Variants in AKAP13 observed in about 807,000 individuals in gnomAD.
AKAP13 encodes A-kinase anchor protein 13.
Under a neutral mutation model 264.5 loss-of-function variants are expected in AKAP13, and 80 were observed. The observed-to-expected ratio is 0.30, with a 90% confidence interval of 0.25 to 0.36. The LOEUF (loss-of-function observed/expected upper bound fraction) is 0.36. Among genes scored for constraint, AKAP13 ranks in the 10% least tolerant of loss-of-function variants. The pLI, the probability that AKAP13 is intolerant of heterozygous loss-of-function variation, is 1.00. For synonymous variants in AKAP13, 1,380 were observed against 1,250.2 expected, an observed-to-expected ratio of 1.10 and a Z score of -2.19; for missense variants, 3,712 against 3,435.2, an observed-to-expected ratio of 1.08 and a Z score of -2.01.
Position 85,727,438 on chromosome 15 carries a change from G to T in AKAP13, c.7062G>T (p.Leu2354Phe), listed in dbSNP as rs1042317101. Residue 2354 changes from leucine (L) to phenylalanine (F), a missense_variant, in exon 29 of 37, where the codon TTG (leucine) becomes TTT (phenylalanine). Around this residue, in one of 3 missense-constraint regions of AKAP13, gnomAD observed 342 missense variants for 484.3 expected, o/e 0.71. Coordinates refer to ENST00000394518, the MANE Select transcript of AKAP13 (RefSeq NM_007200.5). The surrounding 1 kb of genome is among the most constrained non-coding windows in gnomAD (Gnocchi z 5.3). ...AGAATGAGGAAGAAAAGAAAATGTT[G>T]GACACCAGAGCCCGAGAATTAAAAG... is the stretch of plus-strand genomic sequence containing the variant. ...PSENEEEKKM[L>F]DTRARELKEQ... is the part of the protein sequence containing the mutation. The T allele has an allele frequency of 5.0e-6, 8 of 1,614,164 alleles. No homozygotes were observed. In the South Asian group the frequency reaches 8.8e-5, roughly 18 times the overall value.
chr15:85,430,554 C>G (rs1028979885), intron 1 of AKAP13, among the ~76,000 whole-genome samples: 12 of 152,206 alleles, frequency 7.9e-5, no homozygotes, highest in Non-Finnish European at 1.8e-4. Flanking sequence ...TTGTACTTCA[C>G]TGAACCACCT....
intron 23 of AKAP13, 148 bp downstream of exon 23, chr15:85,719,474 T>A: frequency 1.7e-6 from 2 of 1,163,838 alleles, no homozygotes; most frequent in Non-Finnish European, 2.4e-6. Flanking sequence ...GAGCCTTGAT[T>A]TCCTTTTCTG....
chr15:85,418,958 G>A (rs955363322), intron 1 of AKAP13, among the ~76,000 whole-genome samples: 1 of 152,118 alleles, frequency 6.6e-6, no homozygotes, highest in African/African-American at 2.4e-5. Context: ...CTGTGTGCTG[G>A]GCATTGTTTA....
At chr15:85,728,888 G>A (rs1340132577) in intron 29 of AKAP13, among the ~76,000 whole-genome samples, 1 of 151,962 alleles carries the variant, frequency 6.6e-6, no homozygotes, top group Non-Finnish European at 1.5e-5. Flanking sequence ...ATAGTTAGGA[G>A]AGTTGCTTGA....
intron 1 of AKAP13, among the ~76,000 whole-genome samples, chr15:85,432,792 A>G (rs1413454723): frequency 1.3e-5 from 2 of 152,086 alleles, no homozygotes; most frequent in Non-Finnish European, 2.9e-5. Context: ...ACACTGGGGG[A>G]GGCTCTTAGC....
chr15:85,701,030 CAAAAT>C (rs1020675010), intron 17 of AKAP13: 5 of 152,170 alleles, frequency 3.3e-5, no homozygotes, highest in African/African-American at 7.2e-5. Context: ...AATTGCAACT[CAAAAT>C]AAATCTGTAC....
At chr15:85,737,058 A>T (rs891883046) in intron 33 of AKAP13, among the ~76,000 whole-genome samples, 1 of 151,698 alleles carries the variant, frequency 6.6e-6, no homozygotes, top group African/African-American at 2.4e-5. Flanking sequence ...AGCTGGAATT[A>T]TAGGCATACG....
chr15:85,590,103 C>T (rs1359713541), intron 8 of AKAP13, among the ~76,000 whole-genome samples: 2 of 152,084 alleles, frequency 1.3e-5, no homozygotes, highest in South Asian at 2.1e-4. Flanking sequence ...CCACATACCC[C>T]GTCTATGTGT....
chr15:85,411,738 A>G (rs779464825), intron 1 of AKAP13, among the ~76,000 whole-genome samples: 6 of 152,314 alleles, frequency 3.9e-5, no homozygotes, highest in Non-Finnish European at 7.4e-5. Context: ...CGCCCGGCCA[A>G]CTAACTGCTT....
intron 1 of AKAP13, among the ~76,000 whole-genome samples, chr15:85,424,084 G>C (rs1034257872): frequency 1.3e-5 from 2 of 152,190 alleles, no homozygotes; most frequent in Non-Finnish European, 2.9e-5. Flanking sequence ...ATGGGCTCTA[G>C]AATTTTTAGA....
rs1597183930 is a variant in AKAP13 at position 85,724,790 on chromosome 15, T to C, written c.6745+1470T>C. 6.6e-6 allele frequency among the ~76,000 whole-genome samples: 1 copy of C among 152,000 alleles called. No individual in the cohort carries two copies. Among genetic ancestry groups the C allele is most frequent in the African/African-American group, 2.4e-5 (1 of 41,450 alleles). On this transcript the variant is annotated intron_variant, in intron 26 of 36. Transcript: ENST00000394518. This position sits in a 1 kb window ranked among gnomAD's most constrained non-coding sequence, Gnocchi z 4.2. ...ACAGATAAGAGACTGTGCAGTGCTT[T>C]GGGGAAGAGCTCATCTGGGCCTGCA...
At chr15:85,467,094 A>T (rs2074770024) in intron 1 of AKAP13, among the ~76,000 whole-genome samples, 1 of 151,798 alleles carries the variant, frequency 6.6e-6, no homozygotes, top group African/African-American at 2.4e-5. Context: ...ACACACACAC[A>T]CACACACGTA....
chr15:85,730,953 A>C (rs1009562399), intron 30 of AKAP13, among the ~76,000 whole-genome samples: 1 of 150,680 alleles, frequency 6.6e-6, no homozygotes, highest in Non-Finnish European at 1.5e-5. Context: ...CCCTCCCTCC[A>C]AAAGGAGCAG....
At chr15:85,567,938 A>C (rs1265537991) in intron 5 of AKAP13, among the ~76,000 whole-genome samples, 2 of 111,528 alleles carry the variant, frequency 1.8e-5, no homozygotes, top group African/African-American at 7.2e-5. Context: ...AATAGCCCAA[A>C]GAGGTGTGTG....
intron 5 of AKAP13, among the ~76,000 whole-genome samples, chr15:85,572,701 G>C (rs1445744934): frequency 2.0e-5 from 3 of 151,936 alleles, no homozygotes; most frequent in Non-Finnish European, 4.4e-5. Context: ...GTAAGTTCTG[G>C]GATGCATGTG....
intron 20 of AKAP13, among the ~76,000 whole-genome samples, chr15:85,716,199 G>C (rs1011184041): frequency 6.6e-6 from 1 of 152,058 alleles, no homozygotes; most frequent in Non-Finnish European, 1.5e-5. Context: ...GTTCTAAAAA[G>C]ATGATTTTTT....
rs1001213823 is a variant in AKAP13, at chr15:85,746,144, C to T, written c.*1467C>T. 1 of 152,520 alleles carries T rather than the reference C, an allele frequency of 6.6e-6. No homozygotes were observed. The highest frequency in any genetic ancestry group is 2.4e-5 in the African/African-American group (1 of 41,422). 9.4% of individuals were successfully genotyped at this position (152,520 alleles called of 1,614,324 possible). ...TTTTTTGCCCCTCGGAAGCATGGGG[C>T]TTTTGAGCACACTTAAAAAAAGAAA... On this transcript the variant is annotated 3_prime_UTR_variant, in exon 37 of 37. Transcript: ENST00000394518.
At chr15:85,710,515 C>A in intron 18 of AKAP13, 64 bp from the exon 19 acceptor site, 1 of 1,530,052 alleles carries the variant, frequency 6.5e-7, no homozygotes, top group Non-Finnish European at 9.0e-7. Context: ...TGCTCCCTTC[C>A]TACTCGGCTT....
At chr15:85,613,178 G>T (rs1200575767) in intron 8 of AKAP13, among the ~76,000 whole-genome samples, 1 of 152,104 alleles carries the variant, frequency 6.6e-6, no homozygotes, top group Admixed American at 6.5e-5. Flanking sequence ...AACATAAATG[G>T]TTATCAAACA....
Sources: allele counts gnomAD v4.1 joint callset (sites outside exome capture counted in the v4.1 genomes callset), GRCh38; gene constraint gnomAD v4.1.1; regional missense constraint gnomAD v4.1.1; non-coding constraint Gnocchi (gnomAD v3.1); transcripts MANE v1.5; gene names NCBI Gene and HGNC (gene_info 2026-07-23, HGNC 2026-07-21).